Variants in RANBP3L observed in about 807,000 individuals in gnomAD.
RANBP3L encodes the protein RAN binding protein 3 like.
A neutral mutation model predicts 67.2 loss-of-function variants in RANBP3L; 56 were observed. The ratio of observed to expected loss-of-function variants is 0.83; its 90% confidence interval spans 0.67 to 1.04. RANBP3L has a LOEUF of 1.04. Among genes scored for constraint, RANBP3L ranks in the 50% least tolerant of loss-of-function variants. The probability of loss-of-function intolerance (pLI) is 0.00; values close to 1 mark genes in which losing one functional copy is unlikely to be tolerated. For synonymous variants in RANBP3L, 164 were observed against 181.4 expected (o/e 0.90, Z 0.77); for missense variants, 496 against 535.5 (o/e 0.93, Z 0.73).
At chr5:36,267,565 G>A (rs922722295) in intron 4 of RANBP3L, among the ~76,000 whole-genome samples, 3 of 152,020 alleles carry the variant, frequency 2.0e-5, no homozygotes, top group Non-Finnish European at 4.4e-5. Flanking sequence ...GGTAGAGGGG[G>A]ATCAATTCAA....
intron 4 of RANBP3L, chr5:36,268,305 G>A: frequency 2.1e-6 from 3 of 1,417,572 alleles, no homozygotes; most frequent in Non-Finnish European, 1.9e-6. Flanking sequence ...GTAAGAAAGT[G>A]GGTTTTTTGT....
At chr5:36,289,600 T>C (rs181745044) in intron 1 of RANBP3L, among the ~76,000 whole-genome samples, 3 of 152,316 alleles carry the variant, frequency 2.0e-5, no homozygotes, top group East Asian at 1.9e-4. Flanking sequence ...GTACAAGTCT[T>C]GCACGTATTT....
At chr5:36,250,399 A>G (rs1748511794) in intron 13 of RANBP3L, among the ~76,000 whole-genome samples, 1 of 151,960 alleles carries the variant, frequency 6.6e-6, no homozygotes, top group Non-Finnish European at 1.5e-5. Flanking sequence ...TGTTTTGTGT[A>G]TTTTTCCTTT....
Position 36,274,119 on chromosome 5 carries a change from T to C in RANBP3L, c.92-2808A>G, listed in dbSNP as rs191563199. 1.3e-3 allele frequency among the ~76,000 whole-genome samples: 203 copies of C among 152,328 alleles called. 1 individual carries two copies. The highest frequency in any genetic ancestry group is 4.8e-3 in the African/African-American group (201 of 41,568). ...CACCAGAGTCTCTCTCAACCCATTA[T>C]GGTTTGGGGGCTGCCTGATTCGTAA... On this transcript the variant is annotated intron_variant, in intron 1 of 13. Transcript: ENST00000296604.
chr5:36,271,057 A>G (rs1161960133), intron 2 of RANBP3L, among the ~76,000 whole-genome samples, 196 bp downstream of exon 2: 1 of 152,186 alleles, frequency 6.6e-6, no homozygotes, highest in Non-Finnish European at 1.5e-5. Context: ...TAGCTGCAAG[A>G]CAAGGCCTCT....
chr5:36,291,408 T>A (rs1032883606), intron 1 of RANBP3L, among the ~76,000 whole-genome samples: 3 of 151,936 alleles, frequency 2.0e-5, no homozygotes, highest in African/African-American at 7.2e-5. Flanking sequence ...TTTTTATTAT[T>A]ATTATTATAC....
At chr5:36,297,223 A>G (rs1249424772) in intron 1 of RANBP3L, among the ~76,000 whole-genome samples, 1 of 152,130 alleles carries the variant, frequency 6.6e-6, no homozygotes. Flanking sequence ...AGAAAACCAT[A>G]ATGAAGAGAA....
intron 1 of RANBP3L, among the ~76,000 whole-genome samples, chr5:36,280,070 T>G (rs1030271706): frequency 2.0e-5 from 3 of 152,190 alleles, no homozygotes; most frequent in South Asian, 4.1e-4. Flanking sequence ...CATCTGATTC[T>G]CATGCTGATA....
chr5:36,294,776 G>A (rs1449018606), intron 1 of RANBP3L, among the ~76,000 whole-genome samples: 1 of 148,618 alleles, frequency 6.7e-6, no homozygotes, highest in African/African-American at 2.5e-5. Flanking sequence ...TATATATAGT[G>A]TGTATGTATA....
At position 36,301,220 on chromosome 5, in the gene RANBP3L, A is replaced by T. The variant is rs115901604; in HGVS notation, c.91+106T>A. 1.7e-3 allele frequency: 1,384 copies of T among 803,026 alleles called. 7 individuals are homozygous for T. Among genetic ancestry groups the T allele is most frequent in the African/African-American group, 9.4e-3 (564 of 59,904 alleles). The allele number at this position is 803,026 out of a possible 1,614,324, so 49.7% of individuals were successfully genotyped here. On this transcript the variant is annotated intron_variant, in intron 1 of 13. Coordinates refer to ENST00000296604, the MANE Select transcript of RANBP3L (RefSeq NM_145000.5). ...AGTTAACCCACCCTTATGCATCACT[A>T]TTATGTCAGAGCTTCCCCGGGTCCT... is the stretch of plus-strand genomic sequence containing the variant.
rs1579671255 is a variant in RANBP3L, at chr5:36,253,734, T to C, written c.1080A>G (p.Gln360=). Residue 360 remains glutamine (Q), a synonymous_variant, in exon 12 of 14, where the codon CAA becomes CAG. Coordinates refer to ENST00000296604, the MANE Select transcript of RANBP3L (RefSeq NM_145000.5). ...RLILNSKLWA[Q]MKIQRANHKN... ...TGTGGTTTGCTCTTTGAATCTTCAT[T>C]TGGGCCCAGAGTTTGCTGTTGAGGA... The C allele has an allele frequency of 1.2e-6, 2 of 1,613,088 alleles. No individual in the cohort carries two copies. Among genetic ancestry groups the C allele is most frequent in the Non-Finnish European group, 1.7e-6 (2 of 1,179,200 alleles).
chr5:36,266,061 T>G (rs550751346), intron 4 of RANBP3L, among the ~76,000 whole-genome samples: 144 of 151,458 alleles, frequency 9.5e-4, no homozygotes, highest in African/African-American at 3.3e-3. Context: ...TAAGTGAAAA[T>G]TAGGTGACTA....
chr5:36,251,555 A>G (rs1748597285), intron 12 of RANBP3L, 56 bp from the exon 13 acceptor site: 1 of 1,388,496 alleles, frequency 7.2e-7, no homozygotes, highest in African/African-American at 1.4e-5. Flanking sequence ...GCTACATTTT[A>G]CAGATTTTTA....
chr5:36,260,857 G>T lies in RANBP3L; in HGVS notation c.592C>A (p.Pro198Thr), dbSNP rs1401788907. ...TTAAAAGAACATTTATCTTCATTTG[G>T]TTGACATCTAAGAAAATGAAATAAG... The part of the protein sequence containing the change: ...FLGATSVGCQ[P>T]NEDKCSFKSC... The change falls in exon 8 of 14, where the codon CCA becomes ACA. Residue 198 changes from proline (P) to threonine (T), a missense_variant. Coordinates refer to ENST00000296604, the MANE Select transcript of RANBP3L (RefSeq NM_145000.5). 1 of 1,464,174 alleles carries T rather than the reference G, an allele frequency of 6.8e-7. No homozygotes were observed. Among genetic ancestry groups the T allele is most frequent in the Non-Finnish European group, 9.5e-7 (1 of 1,052,362 alleles). The allele number at this position is 1,464,174 out of a possible 1,614,324, so 90.7% of individuals were successfully genotyped here.
intron 1 of RANBP3L, among the ~76,000 whole-genome samples, chr5:36,298,225 G>A (rs145561340): frequency 1.7e-3 from 261 of 151,614 alleles, no homozygotes; most frequent in African/African-American, 5.9e-3. Flanking sequence ...ACTTGAACCC[G>A]GGAGGCAGAG....
chr5:36,253,330 G>A (rs1748728112), intron 12 of RANBP3L, among the ~76,000 whole-genome samples: 1 of 152,016 alleles, frequency 6.6e-6, no homozygotes, highest in Non-Finnish European at 1.5e-5. Flanking sequence ...CCTCTTCCTG[G>A]GAACCATTCC....
chr5:36,265,324 A>G, intron 5 of RANBP3L, 125 bp downstream of exon 5: 1 of 711,844 alleles, frequency 1.4e-6, no homozygotes, highest in Non-Finnish European at 2.3e-6. Flanking sequence ...TACTTGCATT[A>G]TTTCTTCATG....
chr5:36,273,364 C>A (rs144502359), intron 1 of RANBP3L, among the ~76,000 whole-genome samples: 601 of 152,302 alleles, frequency 3.9e-3, no homozygotes, highest in Admixed American at 6.9e-3. Flanking sequence ...AGAGTACTTG[C>A]AGCTTGGAGG....
intron 2 of RANBP3L, 115 bp from the exon 3 acceptor site, chr5:36,270,105 T>C: frequency 1.1e-6 from 1 of 872,354 alleles, no homozygotes; most frequent in Middle Eastern, 2.2e-4. Flanking sequence ...GCAATTACTT[T>C]TGCACCAACC....
Sources: gnomAD v4.1 joint callset for allele counts (sites outside exome capture counted in the v4.1 genomes callset) on GRCh38, gnomAD v4.1.1 for gene constraint, MANE v1.5 for transcripts, NCBI Gene and HGNC (gene_info 2026-07-23, HGNC 2026-07-21) for gene names.